The following CACNA1I variants were observed in gnomAD, a reference collection of about 807,000 sequenced individuals.
The protein encoded by CACNA1I is calcium voltage-gated channel subunit alpha1 I.
Under a neutral mutation model 201.6 loss-of-function variants are expected in CACNA1I, and 74 were observed. That is an observed-to-expected ratio of 0.37 (90% CI 0.30 to 0.45). CACNA1I has a LOEUF of 0.45. CACNA1I is among the 20% of genes least tolerant of loss of function. CACNA1I has a pLI of 1.00. For missense variants in CACNA1I, 2,346 were observed against 3,138.1 expected (o/e 0.75, Z 6.03); for synonymous variants, 1,431 against 1,345.2 (o/e 1.06, Z -1.40).
rs1159170133 is a variant in CACNA1I, at chr22:39,685,675, T to C, written c.6028-86T>C. ...AGCTCCTTGGATGGGGTCTGCCTGC[T>C]GCCTGCTGTGCGGGGGAGGGCGGCG... On this transcript the variant is annotated intron_variant, in intron 36 of 36. Transcript: ENST00000402142. This position sits in a 1 kb window ranked among gnomAD's most constrained non-coding sequence, Gnocchi z 5.0. 7 of 1,153,408 alleles carry C rather than the reference T, an allele frequency of 6.1e-6. No individual in the cohort carries two copies. Among genetic ancestry groups the C allele is most frequent in the Non-Finnish European group, 8.0e-6 (7 of 878,084 alleles). 71.4% of individuals were successfully genotyped at this position (1,153,408 alleles called of 1,614,324 possible).
chr22:39,593,780 T>C (rs150534785), intron 1 of CACNA1I, among the ~76,000 whole-genome samples: 1 of 152,334 alleles, frequency 6.6e-6, no homozygotes, highest in Non-Finnish European at 1.5e-5. Context: ...TCAGCTCTGC[T>C]CTTTTCCAGC....
chr22:39,606,158 C>T (rs1464647349), intron 3 of CACNA1I, among the ~76,000 whole-genome samples: 1 of 152,156 alleles, frequency 6.6e-6, no homozygotes, highest in Non-Finnish European at 1.5e-5. Context: ...GGGATCCCAC[C>T]CTCCCAATGA....
In CACNA1I at chr22:39,660,384, C is replaced by T. The variant is rs1206084619; in HGVS notation, c.2645C>T (p.Ser882Leu). Residue 882 changes from serine to leucine, a missense_variant, in exon 15 of 37, where the codon TCA becomes TTA. Ser to Leu is a moderately radical substitution (Grantham distance 145). This residue lies in a region of CACNA1I where 92 missense variants were observed against 114.5 expected (regional missense o/e 0.80). Coordinates refer to ENST00000402142, the MANE Select transcript of CACNA1I (RefSeq NM_021096.4). Reference sequence around the variant, plus strand: ...TCCTACTCGGACGAGGACCAGAGCTCATCCAACATAGAAGAGTTTGATAAG... The same window carrying T: ...TCCTACTCGGACGAGGACCAGAGCTTATCCAACATAGAAGAGTTTGATAAG... ...NRSYSDEDQS[S>L]SNIEEFDKLQ... 24 of 1,612,746 alleles carry T rather than the reference C, an allele frequency of 1.5e-5. No homozygotes were observed. Among genetic ancestry groups the T allele is most frequent in the Non-Finnish European group, 1.9e-5 (23 of 1,179,692 alleles).
At position 39,649,893 on chromosome 22, in the gene CACNA1I, A is replaced by G; in HGVS notation, c.1960A>G (p.Thr654Ala). The change falls in exon 10 of 37, where the codon ACC becomes GCC. Residue 654 changes from threonine (T) to alanine (A), a missense_variant. This residue lies in a region of CACNA1I where 155 missense variants were observed against 300.8 expected (regional missense o/e 0.52). Transcript: ENST00000402142. The surrounding 1 kb of genome is among the most constrained non-coding windows in gnomAD (Gnocchi z 7.3). Reference protein sequence around the residue: ...RGIMMAILVNTVSMGIEHHEQ... With the variant: ...RGIMMAILVNAVSMGIEHHEQ... ...CATCATGATGGCCATCCTGGTCAAC[A>G]CCGTCAGCATGGGCATCGAGCACCA... The G allele has an allele frequency of 6.2e-7, 1 of 1,613,188 alleles. No individual in the cohort carries two copies. The highest frequency in any genetic ancestry group is 2.2e-5 in the East Asian group (1 of 44,838).
At chr22:39,616,949 G>A (rs558829852) in intron 3 of CACNA1I, among the ~76,000 whole-genome samples, 3 of 152,210 alleles carry the variant, frequency 2.0e-5, no homozygotes, top group South Asian at 2.1e-4. Flanking sequence ...CCTGGTGGCC[G>A]TGTAGGGGAG....
intron 1 of CACNA1I, among the ~76,000 whole-genome samples, chr22:39,571,348 G>A (rs899289081): frequency 6.6e-6 from 1 of 152,156 alleles, no homozygotes; most frequent in Non-Finnish European, 1.5e-5. Flanking sequence ...ACAGAGGATG[G>A]GAGCCGTGAT....
In CACNA1I at chr22:39,591,011, TTAA is replaced by T. The variant is rs1459439554; in HGVS notation, c.237-7139_237-7137del. On this transcript the variant is annotated intron_variant, in intron 1 of 36. Transcript: ENST00000402142. Reference sequence around the variant, plus strand: ...GGCGCGCACCACCACAGCTGGCTAATTAAAAAATTTTTTTTTTTTTTTGCAGAT... The same window carrying T: ...GGCGCGCACCACCACAGCTGGCTAATAAAATTTTTTTTTTTTTTTGCAGAT... Among the ~76,000 whole-genome samples the T allele has an allele frequency of 3.7e-4, 45 of 121,094 alleles. 1 individual carries two copies. The highest frequency in any genetic ancestry group is 1.3e-3 in the African/African-American group (44 of 32,758). The allele number at this position is 121,094 out of a possible 152,430, so 79.4% of individuals were successfully genotyped here.
At position 39,682,483 on chromosome 22, in the gene CACNA1I, C is replaced by T. The variant is rs776466034; in HGVS notation, c.5665-13C>T. On this transcript the variant is annotated splice_polypyrimidine_tract_variant and intron_variant, in intron 34 of 36. Coordinates refer to ENST00000402142, the MANE Select transcript of CACNA1I (RefSeq NM_021096.4). ...TCCCAGTCCTGCCCCATCCTACCTCCCTTTCCTTGCAGGGTGAGCTGGACC... is the reference window on the plus strand; with the variant it reads ...TCCCAGTCCTGCCCCATCCTACCTCTCTTTCCTTGCAGGGTGAGCTGGACC... 6.2e-7 allele frequency: 1 copy of T among 1,612,302 alleles called. No individual in the cohort carries two copies. The highest frequency in any genetic ancestry group is 8.5e-7 in the Non-Finnish European group (1 of 1,178,926).
At chr22:39,658,588 AC>A (rs1308057491) in intron 11 of CACNA1I, among the ~76,000 whole-genome samples, 1 of 152,262 alleles carries the variant, frequency 6.6e-6, no homozygotes, top group Non-Finnish European at 1.5e-5. Context: ...GACACCAGTT[AC>A]TTTGATTGCC....
chr22:39,586,127 G>A (rs1333945537), intron 1 of CACNA1I, among the ~76,000 whole-genome samples: 4 of 151,548 alleles, frequency 2.6e-5, no homozygotes, highest in East Asian at 1.9e-4. Flanking sequence ...GCAGTGAGCC[G>A]AGATCGTGCC....
Position 39,634,246 on chromosome 22 carries a change from G to C in CACNA1I, c.581-319G>C, listed in dbSNP as rs539932285. 8.7e-4 allele frequency among the ~76,000 whole-genome samples: 132 copies of C among 152,332 alleles called. 1 individual carries two copies. The highest frequency in any genetic ancestry group is 3.4e-3 in the Middle Eastern group (1 of 294). Reference sequence around the variant, plus strand: ...AGTACCAACCTCACAGAGTTGTTGTGAAGACTGAAGATCACATTTGTGCAA... The same window carrying C: ...AGTACCAACCTCACAGAGTTGTTGTCAAGACTGAAGATCACATTTGTGCAA... On this transcript the variant is annotated intron_variant, in intron 4 of 36. Coordinates refer to ENST00000402142, the MANE Select transcript of CACNA1I (RefSeq NM_021096.4).
chr22:39,664,690 TG>T, intron 20 of CACNA1I, 48 bp from the exon 21 acceptor site: 2 of 260,390 alleles, frequency 7.7e-6, no homozygotes, highest in Admixed American at 6.5e-5. Flanking sequence ...CCCGCCCACC[TG>T]CCCGCCCCTC....
At chr22:39,672,087 TA>T in intron 26 of CACNA1I, 111 bp from the exon 27 acceptor site, 1 of 684,752 alleles carries the variant, frequency 1.5e-6, no homozygotes, top group Non-Finnish European at 2.7e-6. Context: ...ATAATTACAC[TA>T]AAAGTAAATG....
chr22:39,588,784 G>T (rs1289681882), intron 1 of CACNA1I, among the ~76,000 whole-genome samples: 1 of 152,088 alleles, frequency 6.6e-6, no homozygotes, highest in Non-Finnish European at 1.5e-5. Flanking sequence ...CCTGCCTTGG[G>T]TACTCCCCAA....
At chr22:39,586,291 AC>A (rs1932751014) in intron 1 of CACNA1I, among the ~76,000 whole-genome samples, 1 of 152,092 alleles carries the variant, frequency 6.6e-6, no homozygotes, top group Non-Finnish European at 1.5e-5. Flanking sequence ...GGAGTTCCAG[AC>A]CAGCCTGGCC....
intron 2 of CACNA1I, among the ~76,000 whole-genome samples, chr22:39,598,941 G>GTTTTTTTTTTT (rs3044380): frequency 1.5e-5 from 1 of 68,240 alleles, no homozygotes; most frequent in Non-Finnish European, 2.5e-5. Context: ...TGCCTCTTGG[G>GTTTTTTTTTTT]TTTTTTTTTT....
chr22:39,635,794 C>T (rs926916477), intron 5 of CACNA1I, among the ~76,000 whole-genome samples: 4 of 152,170 alleles, frequency 2.6e-5, no homozygotes, highest in South Asian at 2.1e-4. Flanking sequence ...GGCTCTTTCC[C>T]TGGATCCTTC....
At chr22:39,575,074 A>G (rs1932300679) in intron 1 of CACNA1I, among the ~76,000 whole-genome samples, 4 of 152,232 alleles carry the variant, frequency 2.6e-5, no homozygotes. Flanking sequence ...ATATGTCAGC[A>G]CCGCTCCCTG....
At chr22:39,679,654 G>T in intron 32 of CACNA1I, 68 bp from the exon 33 acceptor site, 2 of 1,445,004 alleles carry the variant, frequency 1.4e-6, no homozygotes, top group Non-Finnish European at 1.9e-6. Context: ...GCTGTGTCCT[G>T]CCCACCCCAC....
Sources: gnomAD v4.1 joint callset for allele counts (sites outside exome capture counted in the v4.1 genomes callset) on GRCh38, gnomAD v4.1.1 for gene constraint, gnomAD v4.1.1 regional missense constraint, Gnocchi (gnomAD v3.1) non-coding constraint, MANE v1.5 for transcripts, NCBI Gene and HGNC (gene_info 2026-07-23, HGNC 2026-07-21) for gene names.